Variants in ACKR2 observed in about 807,000 individuals in gnomAD.
The protein encoded by ACKR2 is atypical chemokine receptor 2.
For missense variants in ACKR2, 457 were observed against 477.3 expected, an observed-to-expected ratio of 0.96 and a Z score of 0.40; for synonymous variants, 207 against 192.2, an observed-to-expected ratio of 1.08 and a Z score of -0.64.
chr3:42,859,621 T>A (rs1329177142), intron 2 of ACKR2, among the ~76,000 whole-genome samples: 1 of 152,086 alleles, frequency 6.6e-6, no homozygotes, highest in African/African-American at 2.4e-5. Context: ...GACCTTGTGA[T>A]CTGCTCACCT....
At chr3:42,823,187 C>T (rs1700826650) in intron 2 of ACKR2, among the ~76,000 whole-genome samples, 1 of 152,162 alleles carries the variant, frequency 6.6e-6, no homozygotes, top group Non-Finnish European at 1.5e-5. Context: ...AAAAGTTATC[C>T]CTTCCTCTTG....
At chr3:42,858,115 T>C (rs1035358156) in intron 2 of ACKR2, among the ~76,000 whole-genome samples, 3 of 152,194 alleles carry the variant, frequency 2.0e-5, no homozygotes, top group African/African-American at 7.2e-5. Flanking sequence ...ACTTAAATGT[T>C]CCTGCCTGCC....
intron 1 of ACKR2, among the ~76,000 whole-genome samples, chr3:42,813,637 C>G (rs1700717068): frequency 6.6e-6 from 1 of 152,212 alleles, no homozygotes; most frequent in African/African-American, 2.4e-5. Flanking sequence ...CAGGCCCCTC[C>G]TCCAACACTG....
At chr3:42,823,648 A>G (rs928776164) in intron 2 of ACKR2, among the ~76,000 whole-genome samples, 1 of 152,220 alleles carries the variant, frequency 6.6e-6, no homozygotes, top group African/African-American at 2.4e-5. Context: ...TTCTAAGACC[A>G]TAAGAGGGGA....
At chr3:42,854,017 C>T (rs1231689052) in intron 2 of ACKR2, among the ~76,000 whole-genome samples, 1 of 152,166 alleles carries the variant, frequency 6.6e-6, no homozygotes, top group Non-Finnish European at 1.5e-5. Context: ...CCTGAGGGAC[C>T]TACACATGAC....
In ACKR2 at chr3:42,864,869, C is replaced by G. The variant is rs1018585077; in HGVS notation, c.367C>G (p.Leu123Val). The G allele has an allele frequency of 1.2e-6, 2 of 1,614,166 alleles. No homozygotes were observed. Among genetic ancestry groups the G allele is most frequent in the South Asian group, 1.1e-5 (1 of 91,080 alleles). ...TTTCTTGTGCAAGATGGTGAGCACT[C>G]TTTATACTATTAACTTTTACAGTGG... ...GSFLCKMVST[L>V]YTINFYSGIF... The change falls in exon 3 of 3, where the codon CTT becomes GTT. Residue 123 changes from leucine (L) to valine (V), a missense_variant. Coordinates refer to ENST00000422265, the MANE Select transcript of ACKR2 (RefSeq NM_001296.5).
At chr3:42,813,405 A>C (rs541856771) in intron 1 of ACKR2, among the ~76,000 whole-genome samples, 5 of 152,348 alleles carry the variant, frequency 3.3e-5, no homozygotes, top group African/African-American at 1.2e-4. Context: ...ATTGACTCAC[A>C]GTTCTGCAAG....
intron 1 of ACKR2, among the ~76,000 whole-genome samples, chr3:42,817,794 T>C (rs1055042540): frequency 6.6e-6 from 1 of 152,194 alleles, no homozygotes; most frequent in Non-Finnish European, 1.5e-5. Flanking sequence ...CATAATTCAA[T>C]GGACATATTT....
chr3:42,858,932 G>C (rs2088351235), intron 2 of ACKR2, among the ~76,000 whole-genome samples: 1 of 151,894 alleles, frequency 6.6e-6, no homozygotes, highest in African/African-American at 2.4e-5. Context: ...ATCAGAGATT[G>C]AAGATCAACT....
In ACKR2 at chr3:42,865,171, C is replaced by T. The variant is rs1340837361; in HGVS notation, c.669C>T (p.Leu223=). 5 of 1,614,088 alleles carry T rather than the reference C, an allele frequency of 3.1e-6. No homozygotes were observed. In the East Asian group the frequency reaches 8.9e-5, roughly 29 times the overall value. ...ACCTCCTAGGGTTTCTCCTTCCACTCCTTGCCATGATCTTCTTCTACTCCC... is the reference window on the plus strand; with the variant it reads ...ACCTCCTAGGGTTTCTCCTTCCACTTCTTGCCATGATCTTCTTCTACTCCC... The part of the protein sequence containing the change: ...QQNLLGFLLP[L]LAMIFFYSRI... The change falls in exon 3 of 3, where the codon CTC becomes CTT. Residue 223 remains leucine, a synonymous_variant. Coordinates refer to ENST00000422265, the MANE Select transcript of ACKR2 (RefSeq NM_001296.5).
intron 2 of ACKR2, among the ~76,000 whole-genome samples, chr3:42,860,180 A>AG: frequency 7.0e-6 from 1 of 143,448 alleles, no homozygotes; most frequent in Non-Finnish European, 1.5e-5. Flanking sequence ...AAAAAAAAAA[A>AG]AAAAAAAAAG....
At chr3:42,864,442 T>G in intron 2 of ACKR2, 24 bp from the exon 3 acceptor site, 1 of 1,531,540 alleles carries the variant, frequency 6.5e-7, no homozygotes. Context: ...GAATGCTAGG[T>G]CTCACCATAT....
chr3:42,812,929 T>A (rs1253906342), intron 1 of ACKR2, among the ~76,000 whole-genome samples: 2 of 152,090 alleles, frequency 1.3e-5, no homozygotes, highest in Non-Finnish European at 2.9e-5. Flanking sequence ...CCTCAAGTGA[T>A]CCACCTGCCT....
intron 2 of ACKR2, among the ~76,000 whole-genome samples, chr3:42,821,409 C>A (rs963476393): frequency 4.6e-5 from 7 of 152,172 alleles, no homozygotes; most frequent in Non-Finnish European, 8.8e-5. Context: ...TAGCTCACTT[C>A]CATTTCCTAC....
chr3:42,823,263 C>T (rs1700827443), intron 2 of ACKR2, among the ~76,000 whole-genome samples: 1 of 152,138 alleles, frequency 6.6e-6, no homozygotes, highest in African/African-American at 2.4e-5. Context: ...CCTTTTGTTT[C>T]TTACAGCATC....
chr3:42,856,171 G>C, intron 2 of ACKR2: 2 of 495,026 alleles, frequency 4.0e-6, no homozygotes, highest in Non-Finnish European at 7.1e-6. Context: ...AGCAGAAAAA[G>C]GCACTGGGTA....
intron 2 of ACKR2, among the ~76,000 whole-genome samples, chr3:42,830,875 A>G (rs1194155829): frequency 6.6e-6 from 1 of 151,942 alleles, no homozygotes; most frequent in African/African-American, 2.4e-5. Context: ...GGTCTGCATG[A>G]GGAAGGGAAC....
At chr3:42,847,734 G>A (rs1575387124) in intron 2 of ACKR2, among the ~76,000 whole-genome samples, 1 of 151,842 alleles carries the variant, frequency 6.6e-6, no homozygotes, top group African/African-American at 2.4e-5. Flanking sequence ...GCTGGAGGGA[G>A]GATGCCTGAT....
intron 2 of ACKR2, among the ~76,000 whole-genome samples, chr3:42,837,125 A>G (rs1049444726): frequency 2.6e-5 from 4 of 152,180 alleles, no homozygotes; most frequent in Non-Finnish European, 4.4e-5. Context: ...GAACCAGGGA[A>G]ACGGATGGTG....
Sources: gnomAD v4.1 joint callset for allele counts (sites outside exome capture counted in the v4.1 genomes callset) on GRCh38, gnomAD v4.1.1 for gene constraint, MANE v1.5 for transcripts, NCBI Gene and HGNC (gene_info 2026-07-23, HGNC 2026-07-21) for gene names.